The following C13orf42 variants were observed in gnomAD, a reference collection of about 807,000 sequenced individuals.
The protein encoded by C13orf42 is chromosome 13 open reading frame 42.
chr13:51,152,990 C>T (rs1217008773), intron 1 of C13orf42, among the ~76,000 whole-genome samples: 1 of 152,172 alleles, frequency 6.6e-6, no homozygotes, highest in Non-Finnish European at 1.5e-5. Context: ...GCAGCACAAC[C>T]AGGGCTGGCT....
At chr13:51,096,583 T>C (rs1231660208) in intron 1 of C13orf42, among the ~76,000 whole-genome samples, 1 of 152,206 alleles carries the variant, frequency 6.6e-6, no homozygotes, top group Non-Finnish European at 1.5e-5. Context: ...CTATATACAA[T>C]CATTTCAAAA....
chr13:51,153,621 G>GTTTTTTGT (rs1953799413), intron 1 of C13orf42, among the ~76,000 whole-genome samples: 14 of 82,034 alleles, frequency 1.7e-4, no homozygotes, highest in Admixed American at 1.3e-4. Flanking sequence ...CTTGCTTTCT[G>GTTTTTTGT]TTTTTTTTCT....
chr13:51,117,028 A>G (rs762849870), intron 1 of C13orf42, among the ~76,000 whole-genome samples: 1 of 152,196 alleles, frequency 6.6e-6, no homozygotes, highest in Non-Finnish European at 1.5e-5. Flanking sequence ...ACCAACTCAG[A>G]TTAAGGGGAG....
At chr13:51,158,100 T>C (rs1953838175) in intron 1 of C13orf42, among the ~76,000 whole-genome samples, 1 of 152,244 alleles carries the variant, frequency 6.6e-6, no homozygotes, top group Non-Finnish European at 1.5e-5. Context: ...CTTCAATGAC[T>C]AGATATTATT....
chr13:51,115,607 G>C (rs1302602110), upstream of C13orf42, among the ~76,000 whole-genome samples: 1 of 152,012 alleles, frequency 6.6e-6, no homozygotes, highest in Non-Finnish European at 1.5e-5. Context: ...AAATCCCCTC[G>C]ACCACTCCCC....
chr13:51,146,661 T>C (rs955846063), intron 1 of C13orf42, among the ~76,000 whole-genome samples: 2 of 152,182 alleles, frequency 1.3e-5, no homozygotes, highest in Non-Finnish European at 2.9e-5. Flanking sequence ...GGCTTCCAGG[T>C]CTTTGGTAGA....
chr13:51,098,873 C>T (rs932391746), intron 1 of C13orf42, among the ~76,000 whole-genome samples: 4 of 151,822 alleles, frequency 2.6e-5, no homozygotes, highest in Non-Finnish European at 5.9e-5. Flanking sequence ...AGGAACTCCA[C>T]TTTCGATTTC....
chr13:51,112,976 ACTT>A (rs796101906), upstream of C13orf42, among the ~76,000 whole-genome samples: 16 of 152,216 alleles, frequency 1.1e-4, no homozygotes, highest in African/African-American at 3.9e-4. Flanking sequence ...TGCTGACTGA[ACTT>A]CTTCTCAGAG....
intron 1 of C13orf42, among the ~76,000 whole-genome samples, chr13:51,136,490 C>T (rs931556747): frequency 4.6e-5 from 7 of 152,274 alleles, no homozygotes; most frequent in African/African-American, 1.4e-4. Flanking sequence ...GGACAGCTCC[C>T]GTCTAAGTGC....
At chr13:51,133,542 A>G (rs1953635017) in intron 1 of C13orf42, among the ~76,000 whole-genome samples, 1 of 151,882 alleles carries the variant, frequency 6.6e-6, no homozygotes, top group Non-Finnish European at 1.5e-5. Context: ...ACTATTTTTA[A>G]TTTTTTTATT....
chr13:51,164,957 A>G (rs1385319575), intron 1 of C13orf42, among the ~76,000 whole-genome samples: 1 of 152,230 alleles, frequency 6.6e-6, no homozygotes, highest in Non-Finnish European at 1.5e-5. Context: ...TGAGATGTCC[A>G]TAAGCAGAGA....
At chr13:51,165,171 G>T (rs1241657004) in intron 1 of C13orf42, among the ~76,000 whole-genome samples, 1 of 152,152 alleles carries the variant, frequency 6.6e-6, no homozygotes, top group Non-Finnish European at 1.5e-5. Context: ...ATGAGCAAGA[G>T]ATCAAAGACC....
chr13:51,094,680 TCA>T (rs1448179770), intron 1 of C13orf42, among the ~76,000 whole-genome samples: 2 of 152,230 alleles, frequency 1.3e-5, no homozygotes, highest in Non-Finnish European at 2.9e-5. Context: ...AGATGAATTC[TCA>T]CAGTTTTTGC....
chr13:51,123,594 C>T (rs1953553466), intron 1 of C13orf42, among the ~76,000 whole-genome samples: 1 of 152,202 alleles, frequency 6.6e-6, no homozygotes. Flanking sequence ...TGTATTCAAA[C>T]CATTTCTCCC....
intron 1 of C13orf42, among the ~76,000 whole-genome samples, chr13:51,106,799 C>T (rs367621100): frequency 4.6e-5 from 7 of 152,286 alleles, no homozygotes; most frequent in African/African-American, 1.7e-4. Flanking sequence ...TTCAAACATG[C>T]CATCCTTCTG....
upstream of C13orf42, among the ~76,000 whole-genome samples, chr13:51,115,879 T>C (rs1953486268): frequency 6.6e-6 from 1 of 152,202 alleles, no homozygotes. Flanking sequence ...GAATTTTCCC[T>C]GGAGACCAGC....
chr13:51,093,345 C>CT (rs2137981883), intron 1 of C13orf42, among the ~76,000 whole-genome samples: 1 of 152,340 alleles, frequency 6.6e-6, no homozygotes, highest in African/African-American at 2.4e-5. Flanking sequence ...TGGAGCAGGG[C>CT]TGTCCAGTAG....
At position 51,129,921 on chromosome 13, in the gene C13orf42, T is replaced by C. The variant is rs117829234; in HGVS notation, n.137-16699A>G. Among the ~76,000 whole-genome samples the C allele has an allele frequency of 7.1e-3, 1,085 of 152,326 alleles. 7 individuals are homozygous for C. Among genetic ancestry groups the C allele is most frequent in the Non-Finnish European group, 0.012 (817 of 68,018 alleles). On this transcript the variant is annotated intron_variant and non_coding_transcript_variant, in intron 1 of 4. Coordinates refer to the C13orf42 transcript ENST00000433280. Reference sequence around the variant, plus strand: ...GATGGGGTTTCCCTCCTGTCTTCTATGTCCTTGGGAACCATGTGGCCTTGC... The same window carrying C: ...GATGGGGTTTCCCTCCTGTCTTCTACGTCCTTGGGAACCATGTGGCCTTGC...
chr13:51,085,087 C>G lies in C13orf42; in HGVS notation c.803+232G>C, dbSNP rs145420756. Among the ~76,000 whole-genome samples the G allele has an allele frequency of 3.8e-3, 570 of 150,844 alleles. 4 individuals carry two copies. Among genetic ancestry groups the G allele is most frequent in the African/African-American group, 0.013 (544 of 40,948 alleles). On this transcript the variant is annotated intron_variant, in intron 3 of 3. Coordinates refer to ENST00000563710, the MANE Select transcript of C13orf42 (RefSeq NM_001351589.3). Reference sequence around the variant, plus strand: ...GGGCCAGAAAGAAAGGGAGGCAGACCCAGGAAGAAGCAAGTTAGGAGCAGT... The same window carrying G: ...GGGCCAGAAAGAAAGGGAGGCAGACGCAGGAAGAAGCAAGTTAGGAGCAGT...
Sources: allele counts gnomAD v4.1 joint callset (sites outside exome capture counted in the v4.1 genomes callset), GRCh38; gene constraint gnomAD v4.1.1; transcripts MANE v1.5; gene names NCBI Gene and HGNC (gene_info 2026-07-23, HGNC 2026-07-21).